SUGCT: variants seen among roughly 807,000 people sequenced by gnomAD.
The protein encoded by SUGCT is succinyl-CoA:glutarate CoA-transferase.
A neutral mutation model predicts 55.0 loss-of-function variants in SUGCT; 41 were observed. The observed-to-expected ratio is 0.74, with a 90% CI of 0.58 to 0.97. The LOEUF (loss-of-function observed/expected upper bound fraction) is 0.97, where lower values mean the gene tolerates loss of function less well. Ranked by LOEUF, SUGCT falls within the 50% of genes least tolerant of loss-of-function variation. The pLI, the probability that SUGCT is intolerant of heterozygous loss-of-function variation, is 0.00. For missense variants in SUGCT, 568 were observed against 547.8 expected (o/e 1.04, Z -0.37); for synonymous variants, 187 against 200.4 (o/e 0.93, Z 0.56).
At chr7:40,611,044 G>T (rs1798744730) in intron 12 of SUGCT, among the ~76,000 whole-genome samples, 5 of 152,144 alleles carry the variant, frequency 3.3e-5, no homozygotes, top group Admixed American at 2.6e-4. Context: ...GAGTGTGCTT[G>T]GTTCTGACTC....
At chr7:40,793,924 G>A (rs758665667) in intron 13 of SUGCT, among the ~76,000 whole-genome samples, 37 of 152,100 alleles carry the variant, frequency 2.4e-4, no homozygotes, top group Non-Finnish European at 3.8e-4. Flanking sequence ...CTCTTCATCT[G>A]TATCTATACT....
intron 9 of SUGCT, among the ~76,000 whole-genome samples, chr7:40,412,249 C>T (rs1466679328): frequency 3.3e-5 from 5 of 152,196 alleles, no homozygotes; most frequent in African/African-American, 9.6e-5. Flanking sequence ...CTTCAGAAGC[C>T]ACTCACTGTT....
At chr7:40,169,994 T>G (rs772258969) in intron 1 of SUGCT, among the ~76,000 whole-genome samples, 2 of 146,794 alleles carry the variant, frequency 1.4e-5, no homozygotes, top group Non-Finnish European at 2.9e-5. Context: ...AGAAAGGCAG[T>G]CTCTCTTCTT....
intron 6 of SUGCT, among the ~76,000 whole-genome samples, chr7:40,209,823 A>T (rs993331856): frequency 6.6e-5 from 10 of 152,078 alleles, no homozygotes; most frequent in African/African-American, 2.4e-4. Flanking sequence ...CAAAAGAATA[A>T]AGATTTTATA....
intron 1 of SUGCT, among the ~76,000 whole-genome samples, chr7:40,143,878 A>G (rs1486925469): frequency 6.6e-6 from 1 of 152,212 alleles, no homozygotes; most frequent in Non-Finnish European, 1.5e-5. Flanking sequence ...ACTGGCTTAG[A>G]AAAGGGGAAG....
intron 12 of SUGCT, among the ~76,000 whole-genome samples, chr7:40,525,615 C>T (rs777193293): frequency 4.0e-5 from 6 of 151,702 alleles, no homozygotes; most frequent in African/African-American, 9.7e-5. Flanking sequence ...CTTTACGATC[C>T]GGTGATTTCT....
intron 11 of SUGCT, among the ~76,000 whole-genome samples, chr7:40,466,468 C>T (rs369511001): frequency 2.6e-5 from 4 of 152,334 alleles, no homozygotes; most frequent in African/African-American, 9.6e-5. Context: ...TTCCAAGGGG[C>T]CCCTCCTGTG....
chr7:40,150,298 C>G (rs372026311), intron 1 of SUGCT, among the ~76,000 whole-genome samples: 2 of 152,170 alleles, frequency 1.3e-5, no homozygotes, highest in South Asian at 4.1e-4. Flanking sequence ...AGCTCTGACT[C>G]CCTGTGACTT....
chr7:40,690,413 C>T (rs550648901), intron 12 of SUGCT, among the ~76,000 whole-genome samples: 2 of 152,184 alleles, frequency 1.3e-5, no homozygotes, highest in African/African-American at 4.8e-5. Context: ...TTACTTCTTC[C>T]CTATGCCTAA....
At chr7:40,376,582 G>A (rs1305632044) in intron 9 of SUGCT, among the ~76,000 whole-genome samples, 2 of 151,796 alleles carry the variant, frequency 1.3e-5, no homozygotes, top group Non-Finnish European at 2.9e-5. Context: ...AGTAGAGATG[G>A]GGTTTCACCA....
chr7:40,739,902 T>C (rs1787374223), intron 12 of SUGCT, among the ~76,000 whole-genome samples: 2 of 152,174 alleles, frequency 1.3e-5, no homozygotes, highest in African/African-American at 4.8e-5. Flanking sequence ...GGCTGTTATC[T>C]TTCCATATAA....
chr7:40,270,444 C>T (rs918176996), intron 7 of SUGCT, among the ~76,000 whole-genome samples: 1 of 152,042 alleles, frequency 6.6e-6, no homozygotes, highest in African/African-American at 2.4e-5. Context: ...GTATGTACTG[C>T]AAGGAGGGGA....
At chr7:40,882,958 G>T in the SUGCT span, among the ~76,000 whole-genome samples, 2 of 152,154 alleles carry the variant, frequency 1.3e-5, no homozygotes, top group African/African-American at 4.8e-5. Context: ...ACCTTTCTAT[G>T]CTTCTAGTAT....
intron 9 of SUGCT, among the ~76,000 whole-genome samples, chr7:40,392,558 C>T (rs1436808672): frequency 6.6e-6 from 1 of 151,716 alleles, no homozygotes; most frequent in Non-Finnish European, 1.5e-5. Flanking sequence ...CATGATGCAG[C>T]AAAAGTGAGG....
At chr7:40,436,899 T>C (rs1788207369) in intron 9 of SUGCT, among the ~76,000 whole-genome samples, 1 of 152,202 alleles carries the variant, frequency 6.6e-6, no homozygotes, top group African/African-American at 2.4e-5. Context: ...ATATGGTCTC[T>C]TGTCTAGAAT....
At chr7:40,552,203 G>A (rs987060799) in intron 12 of SUGCT, among the ~76,000 whole-genome samples, 3 of 152,326 alleles carry the variant, frequency 2.0e-5, no homozygotes, top group Admixed American at 1.3e-4. Context: ...CCTGCGACTT[G>A]TGAGGAATTT....
intron 7 of SUGCT, among the ~76,000 whole-genome samples, chr7:40,245,404 C>CACACATATATATATATATCTATAT (rs1252155153): frequency 1.9e-5 from 1 of 53,312 alleles, no homozygotes; most frequent in African/African-American, 9.3e-5. Context: ...ACGTAGTAGA[C>CACACATATATATATATATCTATAT]ATATATATAT....
chr7:40,635,010 G>T (rs1035296347), intron 12 of SUGCT, among the ~76,000 whole-genome samples: 4 of 152,180 alleles, frequency 2.6e-5, no homozygotes, highest in Non-Finnish European at 5.9e-5. Context: ...CTGAGGCTGG[G>T]TGCGGTGGCT....
chr7:40,721,048 T>C (rs1294165116), intron 12 of SUGCT, among the ~76,000 whole-genome samples: 1 of 152,234 alleles, frequency 6.6e-6, no homozygotes, highest in Non-Finnish European at 1.5e-5. Flanking sequence ...GAACTTTTGA[T>C]GTGCCCACTC....
Sources: allele counts gnomAD v4.1 joint callset (sites outside exome capture counted in the v4.1 genomes callset), GRCh38; gene constraint gnomAD v4.1.1; transcripts MANE v1.5; gene names NCBI Gene and HGNC (gene_info 2026-07-23, HGNC 2026-07-21).